SH3RF3: variants seen among roughly 807,000 people sequenced by gnomAD.
SH3RF3 encodes the protein SH3 domain containing ring finger 3.
In SH3RF3, 29 loss-of-function variants were observed where a neutral mutation model predicts 66.3. The ratio of observed to expected loss-of-function variants is 0.44; its 90% confidence interval spans 0.33 to 0.60. The LOEUF is 0.60. Ranked by LOEUF, SH3RF3 falls within the 20% of genes least tolerant of loss-of-function variation. The probability of loss-of-function intolerance (pLI) is 0.04; values close to 1 mark genes in which losing one functional copy is unlikely to be tolerated. For missense variants in SH3RF3, 1,194 were observed against 1,190.9 expected (o/e 1.00, Z -0.04); for synonymous variants, 583 against 532.0 (o/e 1.10, Z -1.32).
intron 2 of SH3RF3, among the ~76,000 whole-genome samples, chr2:109,354,209 GTGTGGCTGACC>G (rs1419965700): frequency 6.6e-6 from 1 of 152,182 alleles, no homozygotes; most frequent in Non-Finnish European, 1.5e-5. Flanking sequence ...GGCCCTGTGT[GTGTGGCTGACC>G]TGTGTGCCGC....
intron 4 of SH3RF3, 29 bp from the exon 5 acceptor site, chr2:109,419,510 C>T: frequency 1.3e-6 from 2 of 1,560,680 alleles, no homozygotes; most frequent in Non-Finnish European, 1.7e-6. Context: ...TCTGTCTCCT[C>T]ACTCCTGTCC....
rs1449056983 is a variant in SH3RF3 at position 109,491,146 on chromosome 2, T to G, written c.2480+210T>G. 2.0e-5 allele frequency among the ~76,000 whole-genome samples: 3 copies of G among 152,204 alleles called. No individual in the cohort carries two copies. In the East Asian group the frequency reaches 5.8e-4, roughly 29 times the overall value. On this transcript the variant is annotated intron_variant, in intron 9 of 9. Transcript: ENST00000309415. ...CTGGAGTGTTATTTCATGTTCTGCA[T>G]CCATCTGATTCCTGAGTTTGGGATT...
chr2:109,301,357 T>C (rs1681463193), intron 1 of SH3RF3, among the ~76,000 whole-genome samples: 1 of 150,806 alleles, frequency 6.6e-6, no homozygotes, highest in African/African-American at 2.4e-5. Flanking sequence ...TGTGTGTTTG[T>C]GTATGTTTTG....
chr2:109,148,377 G>A (rs1026985665), intron 1 of SH3RF3, among the ~76,000 whole-genome samples: 2 of 152,248 alleles, frequency 1.3e-5, no homozygotes, highest in African/African-American at 4.8e-5. Context: ...CAGAGCTCAT[G>A]AGCCAGCCAT....
At chr2:109,239,613 G>A (rs1574522265) in intron 1 of SH3RF3, among the ~76,000 whole-genome samples, 1 of 152,158 alleles carries the variant, frequency 6.6e-6, no homozygotes, top group South Asian at 2.1e-4. Context: ...AGCCAGGCGT[G>A]ATCATCCAGG....
At chr2:109,480,795 T>G (rs1468934749) in intron 8 of SH3RF3, among the ~76,000 whole-genome samples, 3 of 152,162 alleles carry the variant, frequency 2.0e-5, no homozygotes, top group African/African-American at 7.2e-5. Flanking sequence ...CCTGGGACAT[T>G]ATGACCTCCG....
intron 1 of SH3RF3, chr2:109,251,423 TGAGCAAA>T: frequency 1.4e-6 from 1 of 706,860 alleles, no homozygotes; most frequent in South Asian, 1.4e-5. Flanking sequence ...GTAGACACCA[TGAGCAAA>T]GCTCACCCTC....
intron 1 of SH3RF3, among the ~76,000 whole-genome samples, chr2:109,213,768 C>G (rs970981668): frequency 6.6e-6 from 1 of 152,134 alleles, no homozygotes. Flanking sequence ...AGGAACGTGA[C>G]GTGGTCTCAC....
intron 1 of SH3RF3, among the ~76,000 whole-genome samples, chr2:109,171,372 A>G (rs918899763): frequency 1.3e-5 from 2 of 152,188 alleles, no homozygotes; most frequent in African/African-American, 2.4e-5. Context: ...AATGATGGCT[A>G]TTTGTTGTTA....
At chr2:109,482,127 A>G (rs1363200894) in intron 8 of SH3RF3, among the ~76,000 whole-genome samples, 2 of 152,110 alleles carry the variant, frequency 1.3e-5, no homozygotes, top group Non-Finnish European at 2.9e-5. Flanking sequence ...CGGCTTGTGC[A>G]GCTTTTGAGT....
chr2:109,410,120 C>T (rs1282687052), intron 4 of SH3RF3, among the ~76,000 whole-genome samples: 1 of 152,162 alleles, frequency 6.6e-6, no homozygotes, highest in African/African-American at 2.4e-5. Context: ...TAAAATGCAG[C>T]GGAGGAGGCT....
chr2:109,456,007 A>T lies in SH3RF3; in HGVS notation c.2148+6518A>T, dbSNP rs1331686645. Among the ~76,000 whole-genome samples, 5 of 152,218 alleles carry T rather than the reference A, an allele frequency of 3.3e-5. No homozygotes were observed. The East Asian group carries it at 7.7e-4, about 23-fold the overall frequency. Reference sequence around the variant, plus strand: ...AGGTCTTAGGGGAGACCTGCCCTGCAGCCTGCTCACGGAGCCCCTTGGCCC... The same window carrying T: ...AGGTCTTAGGGGAGACCTGCCCTGCTGCCTGCTCACGGAGCCCCTTGGCCC... On this transcript the variant is annotated intron_variant, in intron 8 of 9. Transcript: ENST00000309415.
At chr2:109,386,157 C>T (rs1460851459) in intron 3 of SH3RF3, among the ~76,000 whole-genome samples, 1 of 152,214 alleles carries the variant, frequency 6.6e-6, no homozygotes, top group Admixed American at 6.5e-5. Flanking sequence ...GCAAAGCTGA[C>T]CGCCTTGCCT....
intron 1 of SH3RF3, among the ~76,000 whole-genome samples, chr2:109,209,459 G>T (rs909917777): frequency 1.3e-5 from 2 of 152,164 alleles, no homozygotes; most frequent in Non-Finnish European, 2.9e-5. Context: ...TGATGCCATG[G>T]GTTGGGAGAG....
At chr2:109,477,535 G>A (rs962032703) in intron 8 of SH3RF3, among the ~76,000 whole-genome samples, 1 of 152,208 alleles carries the variant, frequency 6.6e-6, no homozygotes, top group Non-Finnish European at 1.5e-5. Context: ...CTCCCAGCAG[G>A]AAGAGGGCAG....
intron 1 of SH3RF3, among the ~76,000 whole-genome samples, chr2:109,312,193 A>G (rs1220447598): frequency 6.6e-6 from 1 of 152,204 alleles, no homozygotes; most frequent in Non-Finnish European, 1.5e-5. Flanking sequence ...AAAATCTTAC[A>G]CAATCTTACA....
At chr2:109,185,995 A>T (rs557632297) in intron 1 of SH3RF3, among the ~76,000 whole-genome samples, 1 of 152,304 alleles carries the variant, frequency 6.6e-6, no homozygotes, top group South Asian at 2.1e-4. Context: ...AGCACATTTC[A>T]TACCATTCTC....
At chr2:109,452,482 G>A (rs767613743) in intron 8 of SH3RF3, among the ~76,000 whole-genome samples, 7 of 152,316 alleles carry the variant, frequency 4.6e-5, no homozygotes, top group Middle Eastern at 3.4e-3. Flanking sequence ...TCAGTGCAGC[G>A]CAGTTTCCTA....
At chr2:109,383,825 G>A (rs1038172963) in intron 3 of SH3RF3, among the ~76,000 whole-genome samples, 7 of 152,152 alleles carry the variant, frequency 4.6e-5, no homozygotes, top group Admixed American at 1.3e-4. Flanking sequence ...TTTTCCAGAC[G>A]TCCTGTTTTC....
Sources: allele counts gnomAD v4.1 joint callset (sites outside exome capture counted in the v4.1 genomes callset), GRCh38; gene constraint gnomAD v4.1.1; transcripts MANE v1.5; gene names NCBI Gene and HGNC (gene_info 2026-07-23, HGNC 2026-07-21).